The following SYNE1 variants were observed in gnomAD, a reference collection of about 807,000 sequenced individuals.
SYNE1 encodes the protein spectrin repeat containing nuclear envelope protein 1.
In SYNE1, 616 loss-of-function variants were observed where a neutral mutation model predicts 1,111.0. That is an observed-to-expected ratio of 0.55 (90% CI 0.52 to 0.59). SYNE1 has a LOEUF of 0.59. Ranked by LOEUF, SYNE1 falls within the 20% of genes least tolerant of loss-of-function variation. The pLI is 0.00. For missense variants in SYNE1, 10,006 were observed against 10,417.0 expected (o/e 0.96, Z 1.72); for synonymous variants, 3,855 against 3,825.8 (o/e 1.01, Z -0.28).
chr6:152,233,650 A>G (rs899564096), intron 112 of SYNE1, 131 bp downstream of exon 112: 39 of 1,137,822 alleles, frequency 3.4e-5, no homozygotes, highest in Non-Finnish European at 5.0e-5. Context: ...TATTAATACA[A>G]CGGGAGAGAG....
intron 133 of SYNE1, among the ~76,000 whole-genome samples, chr6:152,153,670 C>A (rs912388029): frequency 6.6e-6 from 1 of 152,106 alleles, no homozygotes; most frequent in Admixed American, 6.5e-5. Context: ...ATCGAGATGA[C>A]CTGGAATCTA....
At chr6:152,200,179 G>A (rs901077609) in intron 127 of SYNE1, among the ~76,000 whole-genome samples, 5 of 152,076 alleles carry the variant, frequency 3.3e-5, no homozygotes, top group Admixed American at 6.6e-5. Context: ...CCCCTTAAAC[G>A]AGTCAGTGTG....
intron 4 of SYNE1, among the ~76,000 whole-genome samples, chr6:152,535,962 C>T (rs2099233660): frequency 6.6e-6 from 1 of 152,118 alleles, no homozygotes; most frequent in African/African-American, 2.4e-5. Flanking sequence ...AGGCCTAAGA[C>T]ATCCATGGTC....
chr6:152,262,704 G>C (rs545266832), intron 100 of SYNE1, among the ~76,000 whole-genome samples: 7 of 152,084 alleles, frequency 4.6e-5, no homozygotes, highest in African/African-American at 1.4e-4. Context: ...GGATAGTACA[G>C]GACCTGGGAA....
rs537467335 is a variant in SYNE1, at chr6:152,151,312, TCAA to T, written c.24450+238_24450+240del. On this transcript the variant is annotated intron_variant, in intron 135 of 145. Transcript: ENST00000367255. ...AAATCAATCAAGCTGTTGAAAAATA[TCAA>T]CAACAATATCGATATCAAATAAGAT... Among the ~76,000 whole-genome samples, 4 of 151,518 alleles carry T rather than the reference TCAA, an allele frequency of 2.6e-5. No individual in the cohort carries two copies. The East Asian group carries it at 7.8e-4, about 29-fold the overall frequency.
chr6:152,137,267 C>CA (rs976374950), intron 140 of SYNE1, among the ~76,000 whole-genome samples: 1 of 152,128 alleles, frequency 6.6e-6, no homozygotes, highest in African/African-American at 2.4e-5. Context: ...GCAACAATAA[C>CA]GCTAGGCAAT....
At chr6:152,168,406 C>G in intron 130 of SYNE1, 1 of 552,746 alleles carries the variant, frequency 1.8e-6, no homozygotes, top group East Asian at 2.9e-5. Context: ...TTAACATGTG[C>G]CAGGCTTGAT....
chr6:152,628,207 G>C, intron 3 of SYNE1, 58 bp downstream of exon 3: 2 of 1,565,570 alleles, frequency 1.3e-6, no homozygotes, highest in Non-Finnish European at 1.8e-6. Context: ...AAATTTAACT[G>C]ATTGTGGGTT....
intron 56 of SYNE1, among the ~76,000 whole-genome samples, chr6:152,379,553 T>G (rs191939678): frequency 6.6e-6 from 1 of 152,302 alleles, no homozygotes; most frequent in Non-Finnish European, 1.5e-5. Context: ...TTTACTATTT[T>G]GTTAACATTT....
chr6:152,485,109 A>T, intron 12 of SYNE1, 137 bp from the exon 13 acceptor site: 1 of 1,004,014 alleles, frequency 1.0e-6, no homozygotes, highest in East Asian at 2.6e-5. Context: ...AACGGTAGTT[A>T]TGATACTAAT....
chr6:152,546,697 T>G (rs920002704), intron 3 of SYNE1: 16 of 152,172 alleles, frequency 1.1e-4, no homozygotes, highest in Non-Finnish European at 1.6e-4. Context: ...CTTTACTTAT[T>G]TTTAAAAACT....
chr6:152,513,788 A>C (rs2099097896), intron 6 of SYNE1, among the ~76,000 whole-genome samples: 1 of 152,224 alleles, frequency 6.6e-6, no homozygotes, highest in African/African-American at 2.4e-5. Context: ...TACAAGAAAA[A>C]AACAAACAAC....
chr6:152,450,861 C>A (rs549517343), intron 26 of SYNE1, 28 bp from the exon 27 acceptor site: 1 of 1,610,180 alleles, frequency 6.2e-7, no homozygotes, highest in Non-Finnish European at 8.5e-7. Context: ...TTTTTATAAT[C>A]CCTGTGAGAA....
Position 152,148,277 on chromosome 6 carries a change from C to T in SYNE1, c.24744G>A (p.Leu8248=). 1 of 1,613,450 alleles carries T rather than the reference C, an allele frequency of 6.2e-7. No individual in the cohort carries two copies. The change falls in exon 137 of 146, where the codon CTG becomes CTA. Residue 8248 remains leucine (L), a synonymous_variant. Coordinates refer to ENST00000367255, the MANE Select transcript of SYNE1 (RefSeq NM_182961.4). The surrounding 1 kb of genome is among the most constrained non-coding windows in gnomAD (Gnocchi z 4.1). The part of the protein sequence containing the change: ...LHWHDRSADS[L]LSPQPSSNLS... ...GATTGGAGGAAGGCTGTGGAGAAAGCAGGCTGTCTGCAGAGCGGTCGTGCC... is the reference window on the plus strand; with the variant it reads ...GATTGGAGGAAGGCTGTGGAGAAAGTAGGCTGTCTGCAGAGCGGTCGTGCC...
At chr6:152,537,696 T>C (rs1311281256) in intron 4 of SYNE1, among the ~76,000 whole-genome samples, 1 of 152,144 alleles carries the variant, frequency 6.6e-6, no homozygotes, top group South Asian at 2.1e-4. Flanking sequence ...CCCCTAGATA[T>C]ACAATCGTGT....
At chr6:152,408,733 C>G (rs1240806217) in intron 44 of SYNE1, among the ~76,000 whole-genome samples, 1 of 152,158 alleles carries the variant, frequency 6.6e-6, no homozygotes, top group Non-Finnish European at 1.5e-5. Flanking sequence ...GCAGGCAGAT[C>G]TCCTGAGATC....
At chr6:152,483,272 G>A (rs1164256059) in intron 13 of SYNE1, 23 bp from the exon 14 acceptor site, 1 of 1,608,272 alleles carries the variant, frequency 6.2e-7, no homozygotes, top group Non-Finnish European at 8.5e-7. Context: ...AAGCAGAAAA[G>A]TAAAATATCT....
intron 106 of SYNE1, among the ~76,000 whole-genome samples, chr6:152,242,943 A>G (rs1160752595): frequency 1.3e-5 from 2 of 152,204 alleles, no homozygotes; most frequent in African/African-American, 4.8e-5. Context: ...TCAAAATGCA[A>G]TTTAGATTGA....
intron 44 of SYNE1, 133 bp downstream of exon 44, chr6:152,408,935 C>G (rs992326042): frequency 1.1e-6 from 1 of 881,514 alleles, no homozygotes; most frequent in South Asian, 1.6e-5. Context: ...GCCTGGGCAA[C>G]AAGAGTGAAA....
Sources: allele counts gnomAD v4.1 joint callset (sites outside exome capture counted in the v4.1 genomes callset), GRCh38; gene constraint gnomAD v4.1.1; non-coding constraint Gnocchi (gnomAD v3.1); transcripts MANE v1.5; gene names NCBI Gene and HGNC (gene_info 2026-07-23, HGNC 2026-07-21).